Variants in MYO18A observed in about 807,000 individuals in gnomAD.
MYO18A encodes the protein myosin XVIIIA.
Under a neutral mutation model 235.8 loss-of-function variants are expected in MYO18A, and 78 were observed. That is an observed-to-expected ratio of 0.33 (90% CI 0.28 to 0.40). MYO18A has a LOEUF of 0.40. Ranked by LOEUF, MYO18A falls within the 10% of genes least tolerant of loss-of-function variation. The pLI is 1.00. For synonymous variants in MYO18A, 977 were observed against 1,077.8 expected, an observed-to-expected ratio of 0.91 and a Z score of 1.83; for missense variants, 2,215 against 2,699.3, an observed-to-expected ratio of 0.82 and a Z score of 3.98.
chr17:29,101,920 C>T (rs2066661566), intron 21 of MYO18A, among the ~76,000 whole-genome samples: 1 of 152,166 alleles, frequency 6.6e-6, no homozygotes, highest in Admixed American at 6.5e-5. Flanking sequence ...ACAAATTTTA[C>T]AATGTCAGGA....
At chr17:29,095,159 G>T in intron 28 of MYO18A, 100 bp from the exon 29 acceptor site, 1 of 1,436,904 alleles carries the variant, frequency 7.0e-7, no homozygotes, top group East Asian at 2.5e-5. Context: ...TCAAGCAGGG[G>T]TGGGGGGACC....
At position 29,166,984 on chromosome 17, in the gene MYO18A, G is replaced by C. The variant is rs1277687093; in HGVS notation, c.-44C>G. The C allele has an allele frequency of 6.7e-7, 1 of 1,488,822 alleles. No individual in the cohort carries two copies. The highest frequency in any genetic ancestry group is 2.3e-5 in the Admixed American group (1 of 43,770). 92.2% of individuals were successfully genotyped at this position (1,488,822 alleles called of 1,614,324 possible). Reference sequence around the variant, plus strand: ...AGGGGTAGCACCCCCAGAGGATTATGAGTGCTTAGCACAGGGCCTTGGTGC... The same window carrying C: ...AGGGGTAGCACCCCCAGAGGATTATCAGTGCTTAGCACAGGGCCTTGGTGC... On this transcript the variant is annotated 5_prime_UTR_variant, in exon 2 of 42. The change creates a premature stop within an existing upstream ORF in the 5' untranslated region. Coordinates refer to ENST00000527372, the MANE Select transcript of MYO18A (RefSeq NM_078471.4).
chr17:29,073,019 T>A lies in MYO18A; in HGVS notation c.*1751A>T, dbSNP rs1212906756. ...TTTGATCAAAAAGTCACCTTTGAAA[T>A]GGCTAAAATTAAGCTTTTAAAAAAT... On this transcript the variant is annotated 3_prime_UTR_variant, in exon 42 of 42. Coordinates refer to ENST00000527372, the MANE Select transcript of MYO18A (RefSeq NM_078471.4). The A allele has an allele frequency of 6.6e-6, 1 of 151,860 alleles. No individual in the cohort carries two copies. Among genetic ancestry groups the A allele is most frequent in the Non-Finnish European group, 1.5e-5 (1 of 68,004 alleles). 9.4% of individuals were successfully genotyped at this position (151,860 alleles called of 1,614,324 possible).
In MYO18A at chr17:29,121,797, T is replaced by C; in HGVS notation, c.1194+54A>G. 1.9e-6 allele frequency: 3 copies of C among 1,611,308 alleles called. No homozygotes were observed. Among genetic ancestry groups the C allele is most frequent in the Non-Finnish European group, 2.5e-6 (3 of 1,178,298 alleles). Reference sequence around the variant, plus strand: ...CCGCTGCCAGAGGATGGGCCTGCCCTGCCCAGTGCACTCCTGAGCCTCCTC... The same window carrying C: ...CCGCTGCCAGAGGATGGGCCTGCCCCGCCCAGTGCACTCCTGAGCCTCCTC... On this transcript the variant is annotated intron_variant, in intron 4 of 41. Transcript: ENST00000527372. This position sits in a 1 kb window ranked among gnomAD's most constrained non-coding sequence, Gnocchi z 4.2.
At chr17:29,144,048 C>A (rs183378495) in intron 2 of MYO18A, among the ~76,000 whole-genome samples, 44 of 152,336 alleles carry the variant, frequency 2.9e-4, no homozygotes, top group Admixed American at 1.5e-3. Flanking sequence ...AGCTGTCACT[C>A]GTCTGTCAGT....
chr17:29,113,345 T>C (rs752257809), intron 15 of MYO18A, among the ~76,000 whole-genome samples: 12 of 152,220 alleles, frequency 7.9e-5, no homozygotes, highest in Admixed American at 1.3e-4. Context: ...AAGCACCTTA[T>C]GCAATTTCCC....
In MYO18A at chr17:29,111,376, A is replaced by C. The variant is rs146441746; in HGVS notation, c.2900+48T>G. 648 of 1,586,756 alleles carry C rather than the reference A, an allele frequency of 4.1e-4. 1 individual carries two copies. The African/African-American group carries it at 7.6e-3, about 19-fold the overall frequency. ...CCCAGGGGGAGGGAGCCCCAAAATC[A>C]AAACAGTCCTGGGTACAGAACAGGG... On this transcript the variant is annotated intron_variant, in intron 17 of 41. Coordinates refer to ENST00000527372, the MANE Select transcript of MYO18A (RefSeq NM_078471.4). This position sits in a 1 kb window ranked among gnomAD's most constrained non-coding sequence, Gnocchi z 5.1.
In MYO18A at chr17:29,109,373, C is replaced by T. The variant is rs545855994; in HGVS notation, c.3331+485G>A. On this transcript the variant is annotated intron_variant, in intron 19 of 41. Transcript: ENST00000527372. This position sits in a 1 kb window ranked among gnomAD's most constrained non-coding sequence, Gnocchi z 4.1. Reference sequence around the variant, plus strand: ...AACAGCTTCTAAGGACTCTAAGTAACCACTAATACTATCATCCTGTCTGTC... The same window carrying T: ...AACAGCTTCTAAGGACTCTAAGTAATCACTAATACTATCATCCTGTCTGTC... Among the ~76,000 whole-genome samples, 9 of 152,270 alleles carry T rather than the reference C, an allele frequency of 5.9e-5. No homozygotes were observed. The East Asian group carries it at 1.7e-3, about 29-fold the overall frequency.
At chr17:29,091,701 T>C (rs912417103) in intron 34 of MYO18A, 1 of 454,526 alleles carries the variant, frequency 2.2e-6, no homozygotes, top group South Asian at 1.6e-5. Context: ...TCTCAGCAGC[T>C]AGGTGACTAG....
chr17:29,097,867 C>G lies in MYO18A; in HGVS notation c.4023G>C (p.Glu1341Asp), dbSNP rs576744394. Residue 1341 changes from glutamate to aspartate, a missense_variant, in exon 26 of 42, where the codon GAG (glutamate) becomes GAC (aspartate). Glu to Asp is a conservative substitution (Grantham distance 45, BLOSUM62 2). Transcript: ENST00000527372. Reference protein sequence around the residue: ...TQYDALKKQMEVMEMEVMEAR... With the variant: ...TQYDALKKQMDVMEMEVMEAR... Reference sequence around the variant, plus strand: ...CCTCCATCACCTCCATTTCCATAACCTCCATCTGCTTCTTCAGTGCATCGT... The same window carrying G: ...CCTCCATCACCTCCATTTCCATAACGTCCATCTGCTTCTTCAGTGCATCGT... 19 of 1,613,790 alleles carry G rather than the reference C, an allele frequency of 1.2e-5. No individual in the cohort carries two copies. The Admixed American group carries it at 3.0e-4, about 25-fold the overall frequency.
At position 29,121,825 on chromosome 17, in the gene MYO18A, C is replaced by T. The variant is rs1432736577; in HGVS notation, c.1194+26G>A. On this transcript the variant is annotated intron_variant, in intron 4 of 41. Coordinates refer to ENST00000527372, the MANE Select transcript of MYO18A (RefSeq NM_078471.4). This position sits in a 1 kb window ranked among gnomAD's most constrained non-coding sequence, Gnocchi z 4.2. ...CCAGTGCACTCCTGAGCCTCCTCCC[C>T]CACACCCAGCCCCCTGCCCACCTAC... The T allele has an allele frequency of 1.9e-6, 3 of 1,613,290 alleles. No individual in the cohort carries two copies. Among genetic ancestry groups the T allele is most frequent in the East Asian group, 2.2e-5 (1 of 44,880 alleles).
intron 2 of MYO18A, among the ~76,000 whole-genome samples, chr17:29,122,468 A>T (rs2067225281): frequency 6.6e-6 from 1 of 152,176 alleles, no homozygotes; most frequent in African/African-American, 2.4e-5. Context: ...AGCCCTGAGG[A>T]CAGGACACAA....
chr17:29,123,024 G>T (rs560408367), intron 2 of MYO18A, among the ~76,000 whole-genome samples: 2 of 152,350 alleles, frequency 1.3e-5, no homozygotes, highest in East Asian at 3.9e-4. Flanking sequence ...GTCAAACACA[G>T]GGAGAGGCTT....
intron 2 of MYO18A, among the ~76,000 whole-genome samples, chr17:29,141,698 G>A (rs75745646): frequency 0.02 from 3,049 of 152,312 alleles, 112 homozygotes; most frequent in African/African-American, 0.069. Context: ...AGGACACGGC[G>A]CTTGTGTCCT....
At chr17:29,127,744 G>C (rs983173826) in intron 2 of MYO18A, 4 of 545,194 alleles carry the variant, frequency 7.3e-6, no homozygotes, top group East Asian at 1.5e-4. Context: ...CCAGCCTCTC[G>C]GTCATGCGGG....
In MYO18A at chr17:29,161,151, T is replaced by C. The variant is rs771329861; in HGVS notation, c.999+4791A>G. Among the ~76,000 whole-genome samples the C allele has an allele frequency of 1.8e-4, 28 of 152,204 alleles. No individual in the cohort carries two copies. In the South Asian group the frequency reaches 2.1e-3, roughly 11 times the overall value. ...AGGTGGATCACCTGAGGTCAGGAGT[T>C]CGAGACCAGCCTGACCAATATGGTG... On this transcript the variant is annotated intron_variant, in intron 2 of 41. Transcript: ENST00000527372.
rs1431612030 is a variant in MYO18A, at chr17:29,118,233, C to T, written c.1894-44G>A. On this transcript the variant is annotated intron_variant, in intron 9 of 41. Coordinates refer to ENST00000527372, the MANE Select transcript of MYO18A (RefSeq NM_078471.4). This position sits in a 1 kb window ranked among gnomAD's most constrained non-coding sequence, Gnocchi z 4.2. Reference sequence around the variant, plus strand: ...TCAAAGGGCTGTCCCTCCCAGCACACCCCCATGAGGCTGGGCCCTCAGGGC... The same window carrying T: ...TCAAAGGGCTGTCCCTCCCAGCACATCCCCATGAGGCTGGGCCCTCAGGGC... 1.9e-6 allele frequency: 3 copies of T among 1,579,544 alleles called. No individual in the cohort carries two copies. The South Asian group carries it at 3.5e-5, about 18-fold the overall frequency.
intron 28 of MYO18A, among the ~76,000 whole-genome samples, chr17:29,096,252 T>C (rs1374458177): frequency 1.3e-5 from 2 of 152,200 alleles, no homozygotes; most frequent in Non-Finnish European, 2.9e-5. Flanking sequence ...GTACTGCTAA[T>C]GAAGACGTCC....
chr17:29,126,345 A>G lies in MYO18A; in HGVS notation c.1000-4092T>C, dbSNP rs1176286761. ...GGACGGGGAGGAGGGAGGGGAGGGC[A>G]GCCGCCCGGGAACAGGACCACGACA... On this transcript the variant is annotated intron_variant, in intron 2 of 41. Transcript: ENST00000527372. This position sits in a 1 kb window ranked among gnomAD's most constrained non-coding sequence, Gnocchi z 4.1. 6.6e-6 allele frequency among the ~76,000 whole-genome samples: 1 copy of G among 151,662 alleles called. No individual in the cohort carries two copies. Among genetic ancestry groups the G allele is most frequent in the East Asian group, 1.9e-4 (1 of 5,150 alleles).
Sources: gnomAD v4.1 joint callset for allele counts (sites outside exome capture counted in the v4.1 genomes callset) on GRCh38, gnomAD v4.1.1 for gene constraint, Gnocchi (gnomAD v3.1) non-coding constraint, MANE v1.5 for transcripts, NCBI Gene and HGNC (gene_info 2026-07-23, HGNC 2026-07-21) for gene names.